ZNF490: variants seen among roughly 807,000 people sequenced by gnomAD.
The protein encoded by ZNF490 is zinc finger protein 490.
A neutral mutation model predicts 17.7 loss-of-function variants in ZNF490; 11 were observed. The ratio of observed to expected loss-of-function variants is 0.62; its 90% CI spans 0.39 to 1.03. The LOEUF (loss-of-function observed/expected upper bound fraction) is 1.03. Ranked by LOEUF, ZNF490 falls within the 50% of genes least tolerant of loss-of-function variation. ZNF490 has a pLI of 0.00. For missense variants in ZNF490, 542 were observed against 643.4 expected (o/e 0.84, Z 1.71); for synonymous variants, 222 against 216.1 (o/e 1.03, Z -0.24).
rs2022798744 is a variant in ZNF490 at position 12,585,296 on chromosome 19, C to T, written c.163-1740G>A. Among the ~76,000 whole-genome samples, 2 of 93,342 alleles carry T rather than the reference C, an allele frequency of 2.1e-5. 1 individual carries two copies. Among genetic ancestry groups the T allele is most frequent in the African/African-American group, 6.4e-5 (2 of 31,146 alleles). The allele number at this position is 93,342 out of a possible 152,430, so 61.2% of individuals were successfully genotyped here. On this transcript the variant is annotated intron_variant, in intron 2 of 4. Coordinates refer to ENST00000311437, the MANE Select transcript of ZNF490 (RefSeq NM_020714.3). The stretch of plus-strand genomic sequence containing the variant: ...GTGGCTCACGCCTATAATCCCAGCA[C>T]TTTGGGAGGCAGAGGTGGGCAGATC...
intron 2 of ZNF490, among the ~76,000 whole-genome samples, chr19:12,590,405 T>C (rs1465778824): frequency 4.0e-5 from 6 of 151,044 alleles, no homozygotes; most frequent in South Asian, 2.1e-4. Flanking sequence ...TTAGTAGAGA[T>C]GGGGTTTCAC....
At chr19:12,609,539 A>G (rs2023117147) in intron 1 of ZNF490, among the ~76,000 whole-genome samples, 1 of 152,194 alleles carries the variant, frequency 6.6e-6, no homozygotes, top group African/African-American at 2.4e-5. Context: ...GGTGAACACC[A>G]TACCCAGCTA....
intron 2 of ZNF490, among the ~76,000 whole-genome samples, chr19:12,600,237 G>A (rs2022986158): frequency 6.6e-6 from 1 of 151,826 alleles, no homozygotes; most frequent in Non-Finnish European, 1.5e-5. Flanking sequence ...CATGGTGGCG[G>A]GCACCTGTAG....
chr19:12,609,913 A>C (rs2023123739), intron 1 of ZNF490: 1 of 455,308 alleles, frequency 2.2e-6, no homozygotes, highest in African/African-American at 2.0e-5. Flanking sequence ...GGTGCACTAA[A>C]AGCCAGACTT....
In ZNF490 at chr19:12,586,765, T is replaced by C. The variant is rs1370829376; in HGVS notation, c.163-3209A>G. Among the ~76,000 whole-genome samples, 2 of 93,172 alleles carry C rather than the reference T, an allele frequency of 2.1e-5. 1 individual carries two copies. The highest frequency in any genetic ancestry group is 5.8e-5 in the Non-Finnish European group (2 of 34,594). The allele number at this position is 93,172 out of a possible 152,430, so 61.1% of individuals were successfully genotyped here. On this transcript the variant is annotated intron_variant, in intron 2 of 4. Transcript: ENST00000311437. Reference sequence around the variant, plus strand: ...TGACACAATCTCAGCTCACTGATACTGTCATAGTGGATAAAAAAGAACACC... The same window carrying C: ...TGACACAATCTCAGCTCACTGATACCGTCATAGTGGATAAAAAAGAACACC...
chr19:12,581,156 C>G lies in ZNF490; in HGVS notation c.919G>C (p.Glu307Gln). 6.2e-7 allele frequency: 1 copy of G among 1,612,696 alleles called. No homozygotes were observed. The highest frequency in any genetic ancestry group is 8.5e-7 in the Non-Finnish European group (1 of 1,178,710). Residue 307 changes from glutamate (E) to glutamine (Q), a missense_variant, in exon 5 of 5, where the codon GAA (glutamate) becomes CAA (glutamine). Glu to Gln is a conservative substitution (Grantham distance 29). Transcript: ENST00000311437. Reference protein sequence around the residue: ...ERTHTGEKPYECKQCGKAFSC... With the variant: ...ERTHTGEKPYQCKQCGKAFSC... ...AAGGCTTTCCCACATTGCTTACATT[C>G]ATAAGGTTTCTCTCCAGTGTGAGTC... is the stretch of plus-strand genomic sequence containing the variant.
intron 2 of ZNF490, among the ~76,000 whole-genome samples, chr19:12,600,512 A>G (rs2022990267): frequency 6.6e-6 from 1 of 152,138 alleles, no homozygotes; most frequent in Non-Finnish European, 1.5e-5. Flanking sequence ...CTATATCTGT[A>G]TATATATGTT....
chr19:12,582,555 C>T (rs531815828), intron 4 of ZNF490, among the ~76,000 whole-genome samples: 100 of 151,988 alleles, frequency 6.6e-4, no homozygotes, highest in African/African-American at 7.5e-4. Context: ...CCACCACGCC[C>T]GGCTAATTTT....
chr19:12,596,647 A>G (rs2022937262), intron 2 of ZNF490, among the ~76,000 whole-genome samples: 1 of 152,184 alleles, frequency 6.6e-6, no homozygotes, highest in Admixed American at 6.5e-5. Context: ...CCTGGGCGAC[A>G]CTGCGAGACC....
intron 2 of ZNF490, among the ~76,000 whole-genome samples, chr19:12,589,793 C>T (rs2022845527): frequency 6.6e-6 from 1 of 152,010 alleles, no homozygotes. Flanking sequence ...TAACATCACG[C>T]TTAATGTGAA....
chr19:12,603,542 A>T (rs1368817770), intron 2 of ZNF490, among the ~76,000 whole-genome samples: 1 of 152,098 alleles, frequency 6.6e-6, no homozygotes, highest in Non-Finnish European at 1.5e-5. Context: ...CTGTAATCCC[A>T]GTACTTTGGG....
Position 12,610,733 on chromosome 19 carries a change from G to C in ZNF490, c.-53C>G. 2 of 1,554,188 alleles carry C rather than the reference G, an allele frequency of 1.3e-6. No homozygotes were observed. Among genetic ancestry groups the C allele is most frequent in the Non-Finnish European group, 1.8e-6 (2 of 1,130,700 alleles). ...AGGAAGACTTCCGTGTCCGACCCGAGATCCGGAACAATTTCTGCTTCAACA... is the reference window on the plus strand; with the variant it reads ...AGGAAGACTTCCGTGTCCGACCCGACATCCGGAACAATTTCTGCTTCAACA... On this transcript the variant is annotated 5_prime_UTR_variant, in exon 1 of 5. The change creates a new upstream start codon in the 5' untranslated region. Coordinates refer to ENST00000311437, the MANE Select transcript of ZNF490 (RefSeq NM_020714.3).
chr19:12,582,561 ATT>A (rs891881982), intron 4 of ZNF490, among the ~76,000 whole-genome samples: 42 of 151,656 alleles, frequency 2.8e-4, no homozygotes, highest in African/African-American at 9.7e-4. Flanking sequence ...CGCCCGGCTA[ATT>A]TTTTGTATTT....
chr19:12,604,411 G>A (rs1257506880), intron 2 of ZNF490, among the ~76,000 whole-genome samples: 2 of 152,090 alleles, frequency 1.3e-5, no homozygotes, highest in Admixed American at 6.6e-5. Flanking sequence ...CAGCACTTTG[G>A]GAGGACAAGG....
At chr19:12,594,728 G>A (rs568499717) in intron 2 of ZNF490, among the ~76,000 whole-genome samples, 18 of 152,328 alleles carry the variant, frequency 1.2e-4, no homozygotes, top group African/African-American at 3.8e-4. Context: ...GGCAGAGGTT[G>A]CAGTGAGCTG....
chr19:12,586,177 T>C lies in ZNF490; in HGVS notation c.163-2621A>G, dbSNP rs2022806125. 2.2e-5 allele frequency among the ~76,000 whole-genome samples: 2 copies of C among 92,456 alleles called. 1 individual carries two copies. The allele number at this position is 92,456 out of a possible 152,430, so 60.7% of individuals were successfully genotyped here. A position where few individuals can be genotyped will look rare whatever the true frequency, so the allele number is the denominator to read the frequency against. Reference sequence around the variant, plus strand: ...ATTTGCCGGGTGTGGTGGGCACCTGTAATCCCGGCTACTTGGGAGGCTGAG... The same window carrying C: ...ATTTGCCGGGTGTGGTGGGCACCTGCAATCCCGGCTACTTGGGAGGCTGAG... On this transcript the variant is annotated intron_variant, in intron 2 of 4. Transcript: ENST00000311437.
chr19:12,578,800 A>C lies in ZNF490; in HGVS notation c.*1685T>G. The C allele has an allele frequency of 5.1e-6, 5 of 985,452 alleles. No individual in the cohort carries two copies. The highest frequency in any genetic ancestry group is 6.0e-6 in the Non-Finnish European group (5 of 829,966). 61.0% of individuals were successfully genotyped at this position (985,452 alleles called of 1,614,324 possible). On this transcript the variant is annotated 3_prime_UTR_variant, in exon 5 of 5. Transcript: ENST00000311437. ...AGGGTGTTTCCTAACTTCTGACTGG[A>C]TGCCACAAAAGGCCTGCTGGGGCCC...
In ZNF490 at chr19:12,584,378, G is replaced by A. The variant is rs1250370283; in HGVS notation, c.163-822C>T. ...TCACCATGTTAGCCAGGATGGTCTT[G>A]ATCTCCTGACCTCGTGAATCGCCCC... On this transcript the variant is annotated intron_variant, in intron 2 of 4. Coordinates refer to ENST00000311437, the MANE Select transcript of ZNF490 (RefSeq NM_020714.3). 5.9e-4 allele frequency among the ~76,000 whole-genome samples: 45 copies of A among 76,202 alleles called. 14 individuals are homozygous for A. Among genetic ancestry groups the A allele is most frequent in the African/African-American group, 1.8e-3 (45 of 25,116 alleles). The allele number at this position is 76,202 out of a possible 152,430, so 50.0% of individuals were successfully genotyped here.
intron 1 of ZNF490, 136 bp from the exon 2 acceptor site, chr19:12,609,338 AGTT>A: frequency 1.4e-6 from 1 of 697,038 alleles, no homozygotes; most frequent in Non-Finnish European, 2.5e-6. Flanking sequence ...GGATCATGGG[AGTT>A]TTCAAGATTA....
Sources: gnomAD v4.1 joint callset for allele counts (sites outside exome capture counted in the v4.1 genomes callset) on GRCh38, gnomAD v4.1.1 for gene constraint, MANE v1.5 for transcripts, NCBI Gene and HGNC (gene_info 2026-07-23, HGNC 2026-07-21) for gene names.